Variants in PHF3 observed in about 807,000 individuals in gnomAD.
PHF3 encodes PHD finger protein 3.
PHF3 carries 41 observed loss-of-function variants against 178.4 expected under a neutral mutation model. The observed-to-expected ratio is 0.23, with a 90% CI of 0.18 to 0.30. The LOEUF (loss-of-function observed/expected upper bound fraction) is 0.30, where lower values mean the gene tolerates loss of function less well. Ranked by LOEUF, PHF3 falls within the 10% of genes least tolerant of loss-of-function variation. PHF3 has a pLI of 1.00. For missense variants in PHF3, 2,346 were observed against 2,398.1 expected, an observed-to-expected ratio of 0.98 and a Z score of 0.45; for synonymous variants, 842 against 800.5, an observed-to-expected ratio of 1.05 and a Z score of -0.88.
At chr6:63,675,758 A>G in intron 2 of PHF3, among the ~76,000 whole-genome samples, 1 of 152,132 alleles carries the variant, frequency 6.6e-6, no homozygotes, top group East Asian at 1.9e-4. Flanking sequence ...CTTCCAAGTT[A>G]TTTTCCAGCA....
Position 63,721,566 on chromosome 6 carries a change from T to C in PHF3, c.*7858T>C, listed in dbSNP as rs1271488026. 6.4e-6 allele frequency: 10 copies of C among 1,551,526 alleles called. No homozygotes were observed. Among genetic ancestry groups the C allele is most frequent in the South Asian group, 1.2e-5 (1 of 84,066 alleles). On this transcript the variant is annotated 3_prime_UTR_variant, in exon 16 of 16. Coordinates refer to ENST00000262043, the MANE Select transcript of PHF3 (RefSeq NM_001370348.2). Reference sequence around the variant, plus strand: ...ATTTAAAGAAGATACTCCTCCAATATAGAAGTCTGTATTTGTGTCCAGAGA... The same window carrying C: ...ATTTAAAGAAGATACTCCTCCAATACAGAAGTCTGTATTTGTGTCCAGAGA...
intron 2 of PHF3, among the ~76,000 whole-genome samples, chr6:63,671,786 G>T (rs1001498150): frequency 6.6e-6 from 1 of 152,072 alleles, no homozygotes; most frequent in Non-Finnish European, 1.5e-5. Context: ...GTCCTCTGTC[G>T]CCAGGCTGGA....
At chr6:63,679,685 G>T (rs557356621) in intron 2 of PHF3, 100 of 384,664 alleles carry the variant, frequency 2.6e-4, no homozygotes, top group South Asian at 2.0e-3. Flanking sequence ...AGTACTCCAG[G>T]TATAGTCACC....
chr6:63,690,749 T>G (rs1766962165), intron 4 of PHF3, among the ~76,000 whole-genome samples: 1 of 152,188 alleles, frequency 6.6e-6, no homozygotes, highest in Admixed American at 6.5e-5. Flanking sequence ...GATGGTTGTC[T>G]GAAAGCATTG....
chr6:63,669,402 A>G lies in PHF3; in HGVS notation c.245-10598A>G, dbSNP rs377248395. On this transcript the variant is annotated intron_variant, in intron 2 of 15. Coordinates refer to ENST00000262043, the MANE Select transcript of PHF3 (RefSeq NM_001370348.2). ...TATTAACTGGGCCTGGGACAAATACACTAGGAAAAAAATTGCTTTTGAATG... is the reference window on the plus strand; with the variant it reads ...TATTAACTGGGCCTGGGACAAATACGCTAGGAAAAAAATTGCTTTTGAATG... Among the ~76,000 whole-genome samples the G allele has an allele frequency of 7.2e-5, 11 of 152,300 alleles. No homozygotes were observed. The East Asian group carries it at 9.6e-4, about 13-fold the overall frequency.
chr6:63,650,967 A>C (rs1006111405), intron 2 of PHF3, among the ~76,000 whole-genome samples: 1 of 152,096 alleles, frequency 6.6e-6, no homozygotes, highest in African/African-American at 2.4e-5. Flanking sequence ...TCTGAATCCA[A>C]CTACACATAT....
At chr6:63,665,457 ATTACTG>A (rs375149593) in intron 2 of PHF3, among the ~76,000 whole-genome samples, 46 of 148,008 alleles carry the variant, frequency 3.1e-4, no homozygotes, top group Middle Eastern at 7.0e-3. Context: ...TTTCATTAAA[ATTACTG>A]TTTCGCTTTG....
At chr6:63,682,580 A>C (rs112733923) in intron 3 of PHF3, among the ~76,000 whole-genome samples, 1 of 152,114 alleles carries the variant, frequency 6.6e-6, no homozygotes, top group Non-Finnish European at 1.5e-5. Flanking sequence ...TTCTTGATCT[A>C]TGTTTTTAAT....
intron 4 of PHF3, among the ~76,000 whole-genome samples, chr6:63,690,184 G>A (rs1345518136): frequency 6.6e-6 from 1 of 152,036 alleles, no homozygotes; most frequent in African/African-American, 2.4e-5. Flanking sequence ...TCTTCTAAAC[G>A]TGTGTTAACA....
intron 2 of PHF3, among the ~76,000 whole-genome samples, chr6:63,677,305 G>A (rs944994963): frequency 6.7e-5 from 10 of 149,360 alleles, no homozygotes; most frequent in Non-Finnish European, 4.5e-5. Context: ...GAAGAAAGAT[G>A]GGGGGACTGA....
In PHF3 at chr6:63,713,217, A is replaced by G. The variant is rs766998868; in HGVS notation, c.5629A>G (p.Arg1877Gly). 5 of 1,614,022 alleles carry G rather than the reference A, an allele frequency of 3.1e-6. No individual in the cohort carries two copies. Among genetic ancestry groups the G allele is most frequent in the South Asian group, 1.1e-5 (1 of 91,086 alleles). Reference sequence around the variant, plus strand: ...GATGGGTCCTCTCTCACAAGCATCAAGGTATATAGGCCCGCAGAATTTTTA... The same window carrying G: ...GATGGGTCCTCTCTCACAAGCATCAGGGTATATAGGCCCGCAGAATTTTTA... ...RMMGPLSQASRYIGPQNFYQV... is the reference protein window; with the variant it reads ...RMMGPLSQASGYIGPQNFYQV... Residue 1877 changes from arginine to glycine, a missense_variant, in exon 16 of 16, where the codon AGG becomes GGG. This residue lies in a region of PHF3 where 839 missense variants were observed against 806.9 expected (regional missense o/e 1.04). Transcript: ENST00000262043.
rs1471743411 is a variant in PHF3, at chr6:63,685,869, C to G, written c.2147C>G (p.Pro716Arg). Residue 716 changes from proline (P) to arginine (R), a missense_variant, in exon 4 of 16, where the codon CCC becomes CGC. Coordinates refer to ENST00000262043, the MANE Select transcript of PHF3 (RefSeq NM_001370348.2). ...TTTGAAAGCAAATATATGTGGACTCCCAGCAAGCAGTGTGGGTTTTGCAAA... is the reference window on the plus strand; with the variant it reads ...TTTGAAAGCAAATATATGTGGACTCGCAGCAAGCAGTGTGGGTTTTGCAAA... ...SSFESKYMWT[P>R]SKQCGFCKKP... 1.2e-6 allele frequency: 2 copies of G among 1,613,174 alleles called. No individual in the cohort carries two copies. Among genetic ancestry groups the G allele is most frequent in the Non-Finnish European group, 1.7e-6 (2 of 1,179,958 alleles).
At chr6:63,694,184 T>G (rs1240574512) in intron 5 of PHF3, among the ~76,000 whole-genome samples, 5 of 152,218 alleles carry the variant, frequency 3.3e-5, no homozygotes, top group Non-Finnish European at 1.5e-5. Context: ...GATGGTTTAT[T>G]CTACCTCATG....
At chr6:63,659,549 G>C (rs1043929002) in intron 2 of PHF3, among the ~76,000 whole-genome samples, 2 of 152,184 alleles carry the variant, frequency 1.3e-5, no homozygotes, top group Admixed American at 6.5e-5. Context: ...TACTTTGCTA[G>C]CTCTATCTTA....
At chr6:63,647,949 A>G (rs528137656) in intron 2 of PHF3, among the ~76,000 whole-genome samples, 44 of 152,256 alleles carry the variant, frequency 2.9e-4, no homozygotes, top group South Asian at 2.5e-3. Context: ...TTTGTTCAGC[A>G]TATTTTTCAT....
chr6:63,713,127 T>A lies in PHF3; in HGVS notation c.5539T>A (p.Phe1847Ile), dbSNP rs371548290. The change falls in exon 16 of 16, where the codon TTT (phenylalanine) becomes ATT (isoleucine). Residue 1847 changes from phenylalanine to isoleucine, a missense_variant. Physicochemically the swap from Phe to Ile is conservative, Grantham distance 21. This residue lies in a region of PHF3 where 839 missense variants were observed against 806.9 expected (regional missense o/e 1.04). Coordinates refer to ENST00000262043, the MANE Select transcript of PHF3 (RefSeq NM_001370348.2). The part of the protein sequence containing the change: ...PPLLPPPGFG[F>I]AQNPMVPWPP... Reference sequence around the variant, plus strand: ...ATTACTTCCCCCTCCAGGCTTTGGCTTTGCTCAAAATCCCATGGTTCCCTG... The same window carrying A: ...ATTACTTCCCCCTCCAGGCTTTGGCATTGCTCAAAATCCCATGGTTCCCTG... 3.3e-5 allele frequency: 54 copies of A among 1,613,922 alleles called. No homozygotes were observed. The highest frequency in any genetic ancestry group is 1.6e-4 in the Middle Eastern group (1 of 6,082).
chr6:63,692,107 T>C (rs994066572), intron 5 of PHF3, 64 bp downstream of exon 5: 11 of 1,157,016 alleles, frequency 9.5e-6, no homozygotes, highest in Non-Finnish European at 1.2e-5. Context: ...CTGACTGCAA[T>C]AATTTTGAAA....
intron 1 of PHF3, among the ~76,000 whole-genome samples, chr6:63,639,189 C>T (rs1419839670): frequency 6.6e-6 from 1 of 152,050 alleles, no homozygotes; most frequent in African/African-American, 2.4e-5. Context: ...AGAAATAGTT[C>T]AGTAAAAATT....
chr6:63,639,727 A>G (rs894673765), intron 1 of PHF3, among the ~76,000 whole-genome samples: 1 of 152,140 alleles, frequency 6.6e-6, no homozygotes, highest in Admixed American at 6.5e-5. Flanking sequence ...CCTACCTTAT[A>G]GGGTCGCTGT....
Sources: allele counts gnomAD v4.1 joint callset (sites outside exome capture counted in the v4.1 genomes callset), GRCh38; gene constraint gnomAD v4.1.1; regional missense constraint gnomAD v4.1.1; transcripts MANE v1.5; gene names NCBI Gene and HGNC (gene_info 2026-07-23, HGNC 2026-07-21).